The following OSBPL10 variants were observed in gnomAD, a reference collection of about 807,000 sequenced individuals.
OSBPL10 encodes oxysterol-binding protein-related protein 10.
OSBPL10 carries 49 observed loss-of-function variants against 81.7 expected under a neutral mutation model. The observed-to-expected ratio is 0.60, with a 90% CI of 0.48 to 0.76. The LOEUF is 0.76. OSBPL10 is among the 30% of genes least tolerant of loss of function. OSBPL10 has a pLI of 0.00. For missense variants in OSBPL10, 923 were observed against 987.8 expected (o/e 0.93, Z 0.88); for synonymous variants, 419 against 383.6 (o/e 1.09, Z -1.08).
intron 2 of OSBPL10, among the ~76,000 whole-genome samples, chr3:32,013,586 A>G (rs938695554): frequency 1.3e-5 from 2 of 152,228 alleles, no homozygotes; most frequent in African/African-American, 4.8e-5. Flanking sequence ...GCAAGAAATA[A>G]CTAAGATCAG....
At chr3:32,075,455 T>A (rs1699865998) in intron 1 of OSBPL10, among the ~76,000 whole-genome samples, 1 of 152,178 alleles carries the variant, frequency 6.6e-6, no homozygotes, top group Non-Finnish European at 1.5e-5. Flanking sequence ...CTTTAATACC[T>A]TTTTATCTCC....
chr3:31,920,244 T>A (rs4269110), intron 1 of OSBPL10, among the ~76,000 whole-genome samples: 1 of 152,016 alleles, frequency 6.6e-6, no homozygotes, highest in Non-Finnish European at 1.5e-5. Flanking sequence ...ATATGTGACA[T>A]GCATTTGTCA....
At chr3:31,901,764 T>C (rs1472715088) in intron 1 of OSBPL10, among the ~76,000 whole-genome samples, 3 of 152,194 alleles carry the variant, frequency 2.0e-5, no homozygotes, top group African/African-American at 7.2e-5. Context: ...AAAGGGCATT[T>C]AGGCCAATCG....
At chr3:32,021,770 T>C (rs1699365461) in intron 2 of OSBPL10, among the ~76,000 whole-genome samples, 1 of 151,938 alleles carries the variant, frequency 6.6e-6, no homozygotes, top group Non-Finnish European at 1.5e-5. Flanking sequence ...GCCCAGGAGT[T>C]TGAGACCAGC....
At chr3:31,959,196 A>AG (rs1698090057) in intron 1 of OSBPL10, among the ~76,000 whole-genome samples, 1 of 152,170 alleles carries the variant, frequency 6.6e-6, no homozygotes, top group African/African-American at 2.4e-5. Flanking sequence ...CTCACAGAGA[A>AG]AAGTCTCAAA....
At chr3:31,942,154 A>G (rs1000061168) in intron 1 of OSBPL10, among the ~76,000 whole-genome samples, 4 of 152,174 alleles carry the variant, frequency 2.6e-5, no homozygotes, top group African/African-American at 4.8e-5. Context: ...AGGCACCTGT[A>G]GTCCCAACTA....
intron 5 of OSBPL10, among the ~76,000 whole-genome samples, chr3:31,736,325 C>T (rs1697174162): frequency 6.6e-6 from 1 of 151,602 alleles, no homozygotes; most frequent in Non-Finnish European, 1.5e-5. Flanking sequence ...TTCTTAATGG[C>T]AAAAAAAGCA....
intron 1 of OSBPL10, among the ~76,000 whole-genome samples, chr3:31,917,985 GAAT>G (rs1207956172): frequency 6.6e-6 from 1 of 151,818 alleles, no homozygotes; most frequent in African/African-American, 2.4e-5. Flanking sequence ...GTTAATCAAT[GAAT>G]AAGTGAAACC....
chr3:32,048,665 C>T (rs370671377), intron 1 of OSBPL10, among the ~76,000 whole-genome samples: 18 of 152,148 alleles, frequency 1.2e-4, no homozygotes, highest in East Asian at 7.7e-4. Flanking sequence ...CCTTTAAATC[C>T]CCCCATCCAA....
intron 2 of OSBPL10, among the ~76,000 whole-genome samples, chr3:32,042,233 T>C (rs944120705): frequency 2.0e-5 from 3 of 152,222 alleles, no homozygotes; most frequent in African/African-American, 7.2e-5. Flanking sequence ...CCCCCACCTT[T>C]AAGTCTTTCT....
intron 1 of OSBPL10, among the ~76,000 whole-genome samples, chr3:31,975,419 G>T (rs1202171152): frequency 6.6e-6 from 1 of 152,156 alleles, no homozygotes; most frequent in Non-Finnish European, 1.5e-5. Flanking sequence ...CTTCAAGGTG[G>T]CTTTAAAAAT....
chr3:31,670,874 G>A lies in OSBPL10; in HGVS notation c.1836C>T (p.Ser612=), dbSNP rs748507962. Residue 612 remains serine, a synonymous_variant, in exon 9 of 12, where the codon AGC becomes AGT. Transcript: ENST00000396556. ...AGTACCCAGTCTTGGCACAGTTGATGCTGACTTTTCCTCCGAGCTCCACCC... is the reference window on the plus strand; with the variant it reads ...AGTACCCAGTCTTGGCACAGTTGATACTGACTTTTCCTCCGAGCTCCACCC... ...IPWVELGGKV[S]INCAKTGYSA... The A allele has an allele frequency of 1.2e-6, 2 of 1,614,166 alleles. No homozygotes were observed. The highest frequency in any genetic ancestry group is 1.7e-6 in the Non-Finnish European group (2 of 1,180,032).
chr3:31,781,979 A>G (rs1040303240), intron 4 of OSBPL10, among the ~76,000 whole-genome samples: 1 of 152,186 alleles, frequency 6.6e-6, no homozygotes, highest in African/African-American at 2.4e-5. Flanking sequence ...GGAACCAAAA[A>G]AGACCCTGCA....
chr3:32,041,908 C>T (rs1699579850), intron 2 of OSBPL10, among the ~76,000 whole-genome samples: 2 of 152,182 alleles, frequency 1.3e-5, no homozygotes, highest in South Asian at 2.1e-4. Context: ...GATCTGCCTG[C>T]CTCAACCTCC....
At chr3:31,809,438 C>T (rs4444746) in intron 4 of OSBPL10, among the ~76,000 whole-genome samples, 23,220 of 152,120 alleles carry the variant, frequency 0.15, 3,201 homozygotes, top group African/African-American at 0.37. Context: ...ACAAACACTT[C>T]AGCTGGATAA....
rs376875514 is a variant in OSBPL10, at chr3:31,680,624, G to C, written c.1726+3010C>G. ...ACAGAACCCTTTCGGAAATAAACTT[G>C]TATAGGGAAGTCCCTCTGGTAAATA... On this transcript the variant is annotated intron_variant, in intron 8 of 11. Coordinates refer to ENST00000396556, the MANE Select transcript of OSBPL10 (RefSeq NM_017784.5). Among the ~76,000 whole-genome samples the C allele has an allele frequency of 4.0e-4, 61 of 152,316 alleles. 2 individuals carry two copies. The South Asian group carries it at 0.012, about 31-fold the overall frequency.
intron 1 of OSBPL10, among the ~76,000 whole-genome samples, chr3:31,895,545 G>C (rs949581982): frequency 6.6e-5 from 10 of 152,066 alleles, no homozygotes; most frequent in Non-Finnish European, 1.5e-4. Flanking sequence ...CTCCTCAGGT[G>C]GTTACAATTG....
At chr3:31,668,442 A>G (rs1050192913) in intron 10 of OSBPL10, among the ~76,000 whole-genome samples, 200 bp downstream of exon 10, 9 of 152,262 alleles carry the variant, frequency 5.9e-5, no homozygotes, top group Admixed American at 2.0e-4. Context: ...CCATGACTAC[A>G]GAATGACGTA....
chr3:31,814,158 C>T (rs994726857), intron 4 of OSBPL10, among the ~76,000 whole-genome samples: 1 of 152,228 alleles, frequency 6.6e-6, no homozygotes, highest in African/African-American at 2.4e-5. Flanking sequence ...CCGCTACTTT[C>T]TTCAGCCACA....
Sources: gnomAD v4.1 joint callset for allele counts (sites outside exome capture counted in the v4.1 genomes callset) on GRCh38, gnomAD v4.1.1 for gene constraint, MANE v1.5 for transcripts, NCBI Gene and HGNC (gene_info 2026-07-23, HGNC 2026-07-21) for gene names.